TTC7B: variants seen among roughly 807,000 people sequenced by gnomAD.
TTC7B encodes the protein tetratricopeptide repeat protein 7B.
A neutral mutation model predicts 106.8 loss-of-function variants in TTC7B; 28 were observed. That is an observed-to-expected ratio of 0.26 (90% CI 0.19 to 0.36). The LOEUF is 0.36. TTC7B is among the 10% of genes least tolerant of loss of function. TTC7B has a pLI of 1.00. For missense variants in TTC7B, 862 were observed against 1,076.4 expected (o/e 0.80, Z 2.79); for synonymous variants, 405 against 430.6 (o/e 0.94, Z 0.74).
At chr14:90,591,017 T>A (rs1396511484) in intron 18 of TTC7B, among the ~76,000 whole-genome samples, 1 of 152,086 alleles carries the variant, frequency 6.6e-6, no homozygotes, top group East Asian at 1.9e-4. Context: ...GAGAAACGGA[T>A]CTTGTGTGAT....
chr14:90,666,179 T>C (rs1886401471), intron 9 of TTC7B, among the ~76,000 whole-genome samples: 1 of 152,184 alleles, frequency 6.6e-6, no homozygotes, highest in Non-Finnish European at 1.5e-5. Context: ...TTGTTGTTGT[T>C]AGATAGAGTT....
intron 18 of TTC7B, among the ~76,000 whole-genome samples, chr14:90,582,500 C>G (rs1891541313): frequency 6.6e-6 from 1 of 152,256 alleles, no homozygotes; most frequent in South Asian, 2.1e-4. Flanking sequence ...TTTCCTGCCA[C>G]ATCCATCAGG....
chr14:90,751,110 G>A (rs2140007497), intron 3 of TTC7B, among the ~76,000 whole-genome samples: 1 of 152,288 alleles, frequency 6.6e-6, no homozygotes, highest in East Asian at 1.9e-4. Flanking sequence ...AAAAATAAGT[G>A]AAAAGCAGAC....
chr14:90,661,607 G>A (rs952669754), intron 9 of TTC7B, among the ~76,000 whole-genome samples: 7 of 152,080 alleles, frequency 4.6e-5, no homozygotes, highest in East Asian at 1.9e-4. Flanking sequence ...CACGGGAGCC[G>A]GTATGTGGAG....
chr14:90,661,794 T>G (rs1299653929), intron 9 of TTC7B, among the ~76,000 whole-genome samples: 1 of 152,148 alleles, frequency 6.6e-6, no homozygotes, highest in East Asian at 1.9e-4. Flanking sequence ...ATGATAAATA[T>G]CAACTGTTTT....
At chr14:90,727,494 T>G (rs541888033) in intron 5 of TTC7B, among the ~76,000 whole-genome samples, 1 of 152,348 alleles carries the variant, frequency 6.6e-6, no homozygotes, top group Non-Finnish European at 1.5e-5. Context: ...GACAAGTGTT[T>G]AAGCCAAACT....
At chr14:90,688,844 A>T (rs1887354515) in intron 7 of TTC7B, among the ~76,000 whole-genome samples, 1 of 152,142 alleles carries the variant, frequency 6.6e-6, no homozygotes, top group Non-Finnish European at 1.5e-5. Context: ...AAAGAGCAGG[A>T]AAATATGGGA....
At chr14:90,721,165 C>T (rs17126980) in intron 5 of TTC7B, among the ~76,000 whole-genome samples, 11,531 of 152,042 alleles carry the variant, frequency 0.076, 1,077 homozygotes, top group African/African-American at 0.22. Flanking sequence ...ACCTCCTCCC[C>T]GACTTTGGAA....
At chr14:90,635,407 A>G (rs569621930) in intron 15 of TTC7B, among the ~76,000 whole-genome samples, 50 of 152,338 alleles carry the variant, frequency 3.3e-4, no homozygotes, top group Middle Eastern at 3.4e-3. Context: ...GTCAGTATTT[A>G]CAATAAATAG....
At chr14:90,812,368 C>T (rs769469308) in intron 1 of TTC7B, among the ~76,000 whole-genome samples, 19 of 152,200 alleles carry the variant, frequency 1.2e-4, no homozygotes, top group Non-Finnish European at 2.5e-4. Flanking sequence ...GACCTGTGAG[C>T]CCACATGAAG....
At chr14:90,716,669 A>G (rs59978433) in intron 5 of TTC7B, among the ~76,000 whole-genome samples, 1 of 152,196 alleles carries the variant, frequency 6.6e-6, no homozygotes, top group Non-Finnish European at 1.5e-5. Context: ...TGCATCTTTT[A>G]AAAAGATCTG....
intron 9 of TTC7B, among the ~76,000 whole-genome samples, chr14:90,660,395 CAAAAAAAAA>C (rs57030874): frequency 3.4e-4 from 14 of 40,890 alleles, no homozygotes; most frequent in African/African-American, 1.1e-3. Flanking sequence ...CACCCTGTCT[CAAAAAAAAA>C]AAAAAAAAAA....
At chr14:90,654,401 T>A (rs1885860196) in intron 12 of TTC7B, among the ~76,000 whole-genome samples, 1 of 152,230 alleles carries the variant, frequency 6.6e-6, no homozygotes, top group African/African-American at 2.4e-5. Context: ...CAAATATCAC[T>A]GAAAACTTAA....
intron 9 of TTC7B, among the ~76,000 whole-genome samples, chr14:90,671,042 T>G (rs564059619): frequency 1.3e-5 from 2 of 152,272 alleles, no homozygotes; most frequent in Non-Finnish European, 2.9e-5. Flanking sequence ...CACCCTGCCT[T>G]GATTTCTCAG....
chr14:90,616,203 C>T (rs181291856), intron 16 of TTC7B, among the ~76,000 whole-genome samples: 114 of 152,206 alleles, frequency 7.5e-4, no homozygotes, highest in African/African-American at 2.5e-3. Context: ...GCTCCGGCGC[C>T]GAGGCAACCT....
intron 9 of TTC7B, among the ~76,000 whole-genome samples, chr14:90,669,456 T>A (rs982618101): frequency 6.6e-6 from 1 of 150,618 alleles, no homozygotes; most frequent in Non-Finnish European, 1.5e-5. Flanking sequence ...CCTAGCACTT[T>A]AGGAAGCCAA....
intron 18 of TTC7B, among the ~76,000 whole-genome samples, chr14:90,587,687 T>C (rs1891771322): frequency 6.6e-6 from 1 of 152,218 alleles, no homozygotes. Context: ...GCAAATGCCA[T>C]GAAGGCCAGG....
Position 90,534,669 on chromosome 14 carries a change from A to AT in TTC7B, c.*6698dup, listed in dbSNP as rs1289647024. ...GGCAGGGGCCGAGCGCTGGGAGGGTATGGGGGCATTGGAGGGAGACAGTGG... is the reference window on the plus strand; with the variant it reads ...GGCAGGGGCCGAGCGCTGGGAGGGTATTGGGGGCATTGGAGGGAGACAGTGG... On this transcript the variant is annotated 3_prime_UTR_variant, in exon 20 of 20. Coordinates refer to ENST00000328459, the MANE Select transcript of TTC7B (RefSeq NM_001010854.2). 6.6e-6 allele frequency: 1 copy of AT among 152,256 alleles called. No individual in the cohort carries two copies. The highest frequency in any genetic ancestry group is 1.5e-5 in the Non-Finnish European group (1 of 68,162). 9.4% of individuals were successfully genotyped at this position (152,256 alleles called of 1,614,324 possible).
chr14:90,801,457 G>A (rs2030264930), intron 1 of TTC7B, among the ~76,000 whole-genome samples: 1 of 152,102 alleles, frequency 6.6e-6, no homozygotes. Context: ...GCAGCCACAG[G>A]AAATGAGCAC....
Sources: gnomAD v4.1 joint callset for allele counts (sites outside exome capture counted in the v4.1 genomes callset) on GRCh38, gnomAD v4.1.1 for gene constraint, MANE v1.5 for transcripts, NCBI Gene and HGNC (gene_info 2026-07-23, HGNC 2026-07-21) for gene names.